Variants in PTPRT observed in about 807,000 individuals in gnomAD.
PTPRT encodes the protein protein tyrosine phosphatase receptor type T.
In PTPRT, 56 loss-of-function variants were observed where a neutral mutation model predicts 176.8. That is an observed-to-expected ratio of 0.32 (90% CI 0.26 to 0.40). The LOEUF is 0.40. PTPRT is among the 10% of genes least tolerant of loss of function. The pLI is 1.00. For synonymous variants in PTPRT, 783 were observed against 739.0 expected, an observed-to-expected ratio of 1.06 and a Z score of -0.96; for missense variants, 1,540 against 1,908.2, an observed-to-expected ratio of 0.81 and a Z score of 3.60.
chr20:42,594,199 G>C (rs528587599), intron 7 of PTPRT, among the ~76,000 whole-genome samples: 1 of 152,300 alleles, frequency 6.6e-6, no homozygotes, highest in South Asian at 2.1e-4. Context: ...AGAACAAGGA[G>C]TTCTAAGAAC....
At chr20:42,377,573 G>A (rs1436755933) in intron 9 of PTPRT, among the ~76,000 whole-genome samples, 1 of 152,210 alleles carries the variant, frequency 6.6e-6, no homozygotes, top group Admixed American at 6.5e-5. Context: ...CCTACATGGT[G>A]TAACGAGGTT....
At chr20:42,615,143 G>T (rs1156887543) in intron 7 of PTPRT, among the ~76,000 whole-genome samples, 2 of 114,182 alleles carry the variant, frequency 1.8e-5, no homozygotes, top group Non-Finnish European at 3.3e-5. Context: ...GTGTCCATGT[G>T]ATCTCATTGT....
intron 7 of PTPRT, among the ~76,000 whole-genome samples, chr20:42,524,270 T>C (rs1185062825): frequency 1.3e-5 from 2 of 152,210 alleles, no homozygotes; most frequent in Non-Finnish European, 2.9e-5. Context: ...TAGGCTTTTC[T>C]TCCTTTCTGG....
intron 6 of PTPRT, among the ~76,000 whole-genome samples, chr20:42,723,727 C>T (rs1477112880): frequency 6.6e-6 from 1 of 152,190 alleles, no homozygotes; most frequent in East Asian, 1.9e-4. Flanking sequence ...TTGAGATATC[C>T]TCATTGTCAT....
At chr20:42,241,381 C>A (rs1320503489) in intron 14 of PTPRT, among the ~76,000 whole-genome samples, 2 of 152,056 alleles carry the variant, frequency 1.3e-5, no homozygotes, top group Non-Finnish European at 2.9e-5. Context: ...GTGGGAATGG[C>A]AAGATGTTGG....
At chr20:42,506,571 T>C (rs1288073712) in intron 7 of PTPRT, among the ~76,000 whole-genome samples, 1 of 152,146 alleles carries the variant, frequency 6.6e-6, no homozygotes. Context: ...TTTTCTCCAT[T>C]CCAGGTTGTG....
In PTPRT at chr20:42,472,350, T is replaced by G; in HGVS notation, c.1366A>C (p.Met456Leu). The G allele has an allele frequency of 6.2e-7, 1 of 1,614,172 alleles. No individual in the cohort carries two copies. The highest frequency in any genetic ancestry group is 2.2e-5 in the East Asian group (1 of 44,870). Residue 456 changes from methionine to leucine, a missense_variant, in exon 8 of 31, where the codon ATG (methionine) becomes CTG (leucine). Around this residue, in one of 11 missense-constraint regions of PTPRT, gnomAD observed 79 missense variants for 80.0 expected, o/e 0.99. Transcript: ENST00000373187. ...AGCAAGAGTCGCAGCCGGATGGTCA[T>G]GAAGGGGCGCAGGCCTCGCAGGGTG... The part of the protein sequence containing the change: ...HYTLRGLRPF[M>L]TIRLRLLLSN...
intron 6 of PTPRT, among the ~76,000 whole-genome samples, chr20:42,744,691 TTTCCTCCAC>T (rs1288057412): frequency 1.2e-4 from 18 of 152,196 alleles, no homozygotes; most frequent in Admixed American, 4.6e-4. Context: ...AGCAGACAAT[TTTCCTCCAC>T]AAGGTGATTC....
chr20:42,918,853 G>T (rs948388733), intron 1 of PTPRT, among the ~76,000 whole-genome samples: 1 of 152,044 alleles, frequency 6.6e-6, no homozygotes, highest in Non-Finnish European at 1.5e-5. Flanking sequence ...AGAAAAGATG[G>T]GCAAAAAGCT....
In PTPRT at chr20:42,693,225, T is replaced by A. The variant is rs1404974411; in HGVS notation, c.860-15066A>T. On this transcript the variant is annotated intron_variant, in intron 6 of 30. Transcript: ENST00000373187. ...TGGGATACATTTTTAAAGATCCAAATAAATGGAGAGATATTCCATGCTCAT... is the reference window on the plus strand; with the variant it reads ...TGGGATACATTTTTAAAGATCCAAAAAAATGGAGAGATATTCCATGCTCAT... Among the ~76,000 whole-genome samples, 6 of 152,182 alleles carry A rather than the reference T, an allele frequency of 3.9e-5. No homozygotes were observed. In the East Asian group the frequency reaches 1.2e-3, roughly 29 times the overall value.
chr20:42,397,652 A>T (rs369967004), intron 9 of PTPRT, among the ~76,000 whole-genome samples: 1 of 152,220 alleles, frequency 6.6e-6, no homozygotes, highest in East Asian at 1.9e-4. Context: ...ATAATATTCC[A>T]GGGTGTATAT....
intron 6 of PTPRT, among the ~76,000 whole-genome samples, chr20:42,679,863 C>T (rs1219104597): frequency 2.0e-5 from 3 of 152,132 alleles, no homozygotes; most frequent in Non-Finnish European, 4.4e-5. Flanking sequence ...CTGCAATGAA[C>T]ATCTTTGTGC....
intron 3 of PTPRT, among the ~76,000 whole-genome samples, chr20:42,782,092 T>C (rs1052036244): frequency 2.0e-4 from 30 of 152,220 alleles, no homozygotes; most frequent in Non-Finnish European, 2.9e-4. Context: ...ACTTGACCAT[T>C]CTTCTACAAC....
chr20:43,184,261 CACTGGGGG>C (rs1400884480), intron 1 of PTPRT, among the ~76,000 whole-genome samples: 1 of 152,212 alleles, frequency 6.6e-6, no homozygotes, highest in African/African-American at 2.4e-5. Flanking sequence ...AAGTCTGCCA[CACTGGGGG>C]ACTGCTTCAA....
intron 7 of PTPRT, among the ~76,000 whole-genome samples, chr20:42,643,411 C>G (rs756898532): frequency 6.6e-6 from 1 of 152,078 alleles, no homozygotes; most frequent in Non-Finnish European, 1.5e-5. Flanking sequence ...GCCTCAACCT[C>G]CCAGGTTCAA....
intron 6 of PTPRT, among the ~76,000 whole-genome samples, chr20:42,728,040 G>T (rs2076405974): frequency 6.6e-6 from 1 of 152,116 alleles, no homozygotes; most frequent in South Asian, 2.1e-4. Context: ...CTCTAGAGCT[G>T]GCTCCAGACG....
chr20:43,183,934 G>A (rs1402864720), intron 1 of PTPRT, among the ~76,000 whole-genome samples: 1 of 152,182 alleles, frequency 6.6e-6, no homozygotes, highest in Non-Finnish European at 1.5e-5. Flanking sequence ...TCAGGTTTTG[G>A]CTTCTGTGAA....
At chr20:42,899,196 G>A (rs181513704) in intron 1 of PTPRT, among the ~76,000 whole-genome samples, 6 of 152,358 alleles carry the variant, frequency 3.9e-5, no homozygotes, top group Non-Finnish European at 8.8e-5. Context: ...ACGCAACAGT[G>A]CTATCTTTTC....
chr20:42,061,277 A>G, the PTPRT span, among the ~76,000 whole-genome samples: 1 of 152,060 alleles, frequency 6.6e-6, no homozygotes, highest in African/African-American at 2.4e-5. Context: ...GAGTTTCTTA[A>G]AAGTCTGAGA....
Sources: gnomAD v4.1 joint callset for allele counts (sites outside exome capture counted in the v4.1 genomes callset) on GRCh38, gnomAD v4.1.1 for gene constraint, gnomAD v4.1.1 regional missense constraint, MANE v1.5 for transcripts, NCBI Gene and HGNC (gene_info 2026-07-23, HGNC 2026-07-21) for gene names.